The following ZBTB22 variants were observed in gnomAD, a reference collection of about 807,000 sequenced individuals.
ZBTB22 encodes zinc finger and BTB domain-containing protein 22.
For synonymous variants in ZBTB22, 356 were observed against 347.3 expected (o/e 1.03, Z -0.28); for missense variants, 668 against 834.1 (o/e 0.80, Z 2.45).
rs1055051634 is a variant in ZBTB22, at chr6:33,314,838, T to C, written c.*174A>G. On this transcript the variant is annotated 3_prime_UTR_variant, in exon 2 of 2. Transcript: ENST00000431845. ...ACCTTGGGGGGGAGGGGTTGAGTAGTAGAATGGGCGGGCGATGGTGAAACT... is the reference window on the plus strand; with the variant it reads ...ACCTTGGGGGGGAGGGGTTGAGTAGCAGAATGGGCGGGCGATGGTGAAACT... 6.2e-6 allele frequency: 8 copies of C among 1,295,962 alleles called. No individual in the cohort carries two copies. The African/African-American group carries it at 1.0e-4, about 17-fold the overall frequency. The allele number at this position is 1,295,962 out of a possible 1,614,324, so 80.3% of individuals were successfully genotyped here. A position where few individuals can be genotyped will look rare whatever the true frequency, so the allele number is the denominator to read the frequency against.
In ZBTB22 at chr6:33,314,869, T is replaced by G; in HGVS notation, c.*143A>C. ...GGGCGGGCGATGGTGAAACTGTGGTTCCCCTTCCAGAATATATACAAGTCC... is the reference window on the plus strand; with the variant it reads ...GGGCGGGCGATGGTGAAACTGTGGTGCCCCTTCCAGAATATATACAAGTCC... On this transcript the variant is annotated 3_prime_UTR_variant, in exon 2 of 2. Transcript: ENST00000431845. The G allele has an allele frequency of 7.1e-7, 1 of 1,399,042 alleles. No homozygotes were observed. The highest frequency in any genetic ancestry group is 9.4e-7 in the Non-Finnish European group (1 of 1,068,078). The allele number at this position is 1,399,042 out of a possible 1,614,324, so 86.7% of individuals were successfully genotyped here.
At chr6:33,317,013 G>T in intron 1 of ZBTB22, 28 bp from the exon 2 acceptor site, 1 of 1,391,752 alleles carries the variant, frequency 7.2e-7, no homozygotes, top group South Asian at 1.5e-5. Context: ...AAAGAATAAT[G>T]ATAACATCTC....
rs1247956923 is a variant in ZBTB22, at chr6:33,315,210, C to T, written c.1707G>A (p.Leu569=). ...GCCCAGGTACGGCCCCGACCCCGCC[C>T]AGGCGGTGCCGGCGCTCACAGTGTC... The part of the protein sequence containing the change: ...HRGHCERRHR[L]GGVGAVPGPG... The change falls in exon 2 of 2, where the codon CTG becomes CTA. Residue 569 remains leucine (L), a synonymous_variant. Coordinates refer to ENST00000431845, the MANE Select transcript of ZBTB22 (RefSeq NM_005453.5). The surrounding 1 kb of genome is among the most constrained non-coding windows in gnomAD (Gnocchi z 5.4). 3 of 1,612,702 alleles carry T rather than the reference C, an allele frequency of 1.9e-6. No homozygotes were observed. The African/African-American group carries it at 4.0e-5, about 22-fold the overall frequency.
In ZBTB22 at chr6:33,314,785, G is replaced by A; in HGVS notation, c.*227C>T. 6.2e-6 allele frequency: 5 copies of A among 807,474 alleles called. No individual in the cohort carries two copies. The highest frequency in any genetic ancestry group is 7.2e-6 in the Non-Finnish European group (4 of 556,164). 50.0% of individuals were successfully genotyped at this position (807,474 alleles called of 1,614,324 possible). On this transcript the variant is annotated 3_prime_UTR_variant, in exon 2 of 2. Transcript: ENST00000431845. ...CAGGGGCTTCAGTGTACCCATCAGA[G>A]GGAAAGGAAGGGTTTAGTTCTGGAA... is the stretch of plus-strand genomic sequence containing the variant.
At position 33,316,014 on chromosome 6, in the gene ZBTB22, C is replaced by T; in HGVS notation, c.903G>A (p.Lys301=). 6.2e-7 allele frequency: 1 copy of T among 1,614,110 alleles called. No homozygotes were observed. Among genetic ancestry groups the T allele is most frequent in the Non-Finnish European group, 8.5e-7 (1 of 1,179,976 alleles). Residue 301 remains lysine (K), a synonymous_variant, in exon 2 of 2, where the codon AAG becomes AAA. Coordinates refer to ENST00000431845, the MANE Select transcript of ZBTB22 (RefSeq NM_005453.5). This position sits in a 1 kb window ranked among gnomAD's most constrained non-coding sequence, Gnocchi z 7.2. The stretch of plus-strand genomic sequence containing the variant: ...TTGGCGCTGGGCAATTACCACCTCG[C>T]TTCACGTATACCCAGTGTTTCTGTG... ...IMPQKHWVYV[K]RGGNCPAPTP...
chr6:33,314,548 G>A lies in ZBTB22; in HGVS notation c.*464C>T. The A allele has an allele frequency of 4.9e-6, 1 of 204,600 alleles. No homozygotes were observed. The highest frequency in any genetic ancestry group is 9.9e-6 in the Non-Finnish European group (1 of 100,692). 12.7% of individuals were successfully genotyped at this position (204,600 alleles called of 1,614,324 possible). A position where few individuals can be genotyped will look rare whatever the true frequency, so the allele number is the denominator to read the frequency against. Reference sequence around the variant, plus strand: ...TTGGGAATTTCCACGGGAAGTCGGGGGTGGCGGGGAGAGACAGGGTAGAAA... The same window carrying A: ...TTGGGAATTTCCACGGGAAGTCGGGAGTGGCGGGGAGAGACAGGGTAGAAA... On this transcript the variant is annotated 3_prime_UTR_variant, in exon 2 of 2. Transcript: ENST00000431845.
At position 33,316,466 on chromosome 6, in the gene ZBTB22, G is replaced by C. The variant is rs1281939554; in HGVS notation, c.451C>G (p.Arg151Gly). 1 of 1,614,210 alleles carries C rather than the reference G, an allele frequency of 6.2e-7. No homozygotes were observed. Among genetic ancestry groups the C allele is most frequent in the Non-Finnish European group, 8.5e-7 (1 of 1,180,038 alleles). The change falls in exon 2 of 2, where the codon CGG becomes GGG. Residue 151 changes from arginine (R) to glycine (G), a missense_variant. Coordinates refer to ENST00000431845, the MANE Select transcript of ZBTB22 (RefSeq NM_005453.5). The surrounding 1 kb of genome is among the most constrained non-coding windows in gnomAD (Gnocchi z 7.2). ...DKCTELLREG[R>G]ASATTTITTA... Reference sequence around the variant, plus strand: ...GTGATGGTGGTGGTAGCTGAGGCCCGGCCTTCTCGGAGTAGTTCAGTGCAC... The same window carrying C: ...GTGATGGTGGTGGTAGCTGAGGCCCCGCCTTCTCGGAGTAGTTCAGTGCAC...
At position 33,315,387 on chromosome 6, in the gene ZBTB22, C is replaced by T. The variant is rs1361577810; in HGVS notation, c.1530G>A (p.Leu510=). Residue 510 remains leucine, a synonymous_variant, in exon 2 of 2, where the codon CTG becomes CTA. Coordinates refer to ENST00000431845, the MANE Select transcript of ZBTB22 (RefSeq NM_005453.5). The surrounding 1 kb of genome is among the most constrained non-coding windows in gnomAD (Gnocchi z 5.4). The part of the protein sequence containing the change: ...RDRHVNMHLN[L]RPFDCPVCNK... ...TGCACACGGGGCAGTCAAACGGCCGCAGATTGAGGTGCATGTTCACGTGCC... is the reference window on the plus strand; with the variant it reads ...TGCACACGGGGCAGTCAAACGGCCGTAGATTGAGGTGCATGTTCACGTGCC... 3 of 1,614,090 alleles carry T rather than the reference C, an allele frequency of 1.9e-6. No homozygotes were observed. The highest frequency in any genetic ancestry group is 2.5e-6 in the Non-Finnish European group (3 of 1,180,042).
In ZBTB22 at chr6:33,315,810, G is replaced by C. The variant is rs983734973; in HGVS notation, c.1107C>G (p.Asp369Glu). 30 of 1,612,802 alleles carry C rather than the reference G, an allele frequency of 1.9e-5. No individual in the cohort carries two copies. The highest frequency in any genetic ancestry group is 2.5e-5 in the Non-Finnish European group (30 of 1,179,320). Residue 369 changes from aspartate (D) to glutamate (E), a missense_variant, in exon 2 of 2, where the codon GAC (aspartate) becomes GAG (glutamate). Transcript: ENST00000431845. This position sits in a 1 kb window ranked among gnomAD's most constrained non-coding sequence, Gnocchi z 5.4. ...AGAAGTTGACCTGCTCCTCCCCCTTGTCTGGGGGCTCACTCAGGGTACGGA... is the reference window on the plus strand; with the variant it reads ...AGAAGTTGACCTGCTCCTCCCCCTTCTCTGGGGGCTCACTCAGGGTACGGA... ...SDVRTLSEPPDKGEEQVNFCE... is the reference protein window; with the variant it reads ...SDVRTLSEPPEKGEEQVNFCE...
In ZBTB22 at chr6:33,316,530, T is replaced by C. The variant is rs900532445; in HGVS notation, c.387A>G (p.Thr129=). The C allele has an allele frequency of 2.5e-6, 4 of 1,614,106 alleles. No individual in the cohort carries two copies. In the African/African-American group the frequency reaches 5.3e-5, roughly 22 times the overall value. Residue 129 remains threonine, a synonymous_variant, in exon 2 of 2, where the codon ACA becomes ACG. Coordinates refer to ENST00000431845, the MANE Select transcript of ZBTB22 (RefSeq NM_005453.5). The surrounding 1 kb of genome is among the most constrained non-coding windows in gnomAD (Gnocchi z 7.2). ...GCCACATTTGGAGCACAGACCCCACTGTAAGGAAGTTGACAATGTCAGCAG... is the reference window on the plus strand; with the variant it reads ...GCCACATTTGGAGCACAGACCCCACCGTAAGGAAGTTGACAATGTCAGCAG... ...MAAADIVNFL[T]VGSVLQMWHI...
Position 33,316,540 on chromosome 6 carries a change from T to C in ZBTB22, c.377A>G (p.Asn126Ser), listed in dbSNP as rs1028309010. 3.1e-6 allele frequency: 5 copies of C among 1,614,012 alleles called. No individual in the cohort carries two copies. Among genetic ancestry groups the C allele is most frequent in the Admixed American group, 1.7e-5 (1 of 59,998 alleles). ...GAGCACAGACCCCACTGTAAGGAAG[T>C]TGACAATGTCAGCAGCAGCCATGCT... ...RLSMAAADIV[N>S]FLTVGSVLQM... Residue 126 changes from asparagine (N) to serine (S), a missense_variant, in exon 2 of 2, where the codon AAC (asparagine) becomes AGC (serine). By Grantham distance (46) the Asn-to-Ser change is conservative. Coordinates refer to ENST00000431845, the MANE Select transcript of ZBTB22 (RefSeq NM_005453.5). This position sits in a 1 kb window ranked among gnomAD's most constrained non-coding sequence, Gnocchi z 7.2.
In ZBTB22 at chr6:33,316,538, A is replaced by G. The variant is rs766099210; in HGVS notation, c.379T>C (p.Phe127Leu). ...TGGAGCACAGACCCCACTGTAAGGA[A>G]GTTGACAATGTCAGCAGCAGCCATG... Reference protein sequence around the residue: ...LSMAAADIVNFLTVGSVLQMW... With the variant: ...LSMAAADIVNLLTVGSVLQMW... The change falls in exon 2 of 2, where the codon TTC (phenylalanine) becomes CTC (leucine). Residue 127 changes from phenylalanine (F) to leucine (L), a missense_variant. By Grantham distance (22) the Phe-to-Leu change is conservative. Transcript: ENST00000431845. This position sits in a 1 kb window ranked among gnomAD's most constrained non-coding sequence, Gnocchi z 7.2. 4 of 1,614,192 alleles carry G rather than the reference A, an allele frequency of 2.5e-6. No individual in the cohort carries two copies. Among genetic ancestry groups the G allele is most frequent in the Admixed American group, 1.7e-5 (1 of 60,020 alleles).
In ZBTB22 at chr6:33,315,854, T is replaced by C. The variant is rs895073372; in HGVS notation, c.1063A>G (p.Thr355Ala). 5 of 1,613,302 alleles carry C rather than the reference T, an allele frequency of 3.1e-6. No individual in the cohort carries two copies. The highest frequency in any genetic ancestry group is 4.2e-6 in the Non-Finnish European group (5 of 1,179,706). The change falls in exon 2 of 2, where the codon ACC becomes GCC. Residue 355 changes from threonine to alanine, a missense_variant. Transcript: ENST00000431845. The surrounding 1 kb of genome is among the most constrained non-coding windows in gnomAD (Gnocchi z 5.4). ...RVPVGGGPEA[T>A]LSISDVRTLS... ...GTACGGACATCACTTATGCTGAGGG[T>C]AGCCTCAGGCCCTCCCCCCACTGGA...
In ZBTB22 at chr6:33,316,624, C is replaced by G; in HGVS notation, c.293G>C (p.Ser98Thr). Residue 98 changes from serine to threonine, a missense_variant, in exon 2 of 2, where the codon AGT (serine) becomes ACT (threonine). Coordinates refer to ENST00000431845, the MANE Select transcript of ZBTB22 (RefSeq NM_005453.5). This position sits in a 1 kb window ranked among gnomAD's most constrained non-coding sequence, Gnocchi z 7.2. ...LKGMTSISLP[S>T]VMDPGAFETV... ...CTCAAAGGCGCCTGGGTCCATGACACTGGGCAGCGAGATGGAGGTCATGCC... is the reference window on the plus strand; with the variant it reads ...CTCAAAGGCGCCTGGGTCCATGACAGTGGGCAGCGAGATGGAGGTCATGCC... The G allele has an allele frequency of 6.2e-7, 1 of 1,614,240 alleles. No homozygotes were observed. Among genetic ancestry groups the G allele is most frequent in the Non-Finnish European group, 8.5e-7 (1 of 1,180,038 alleles).
At position 33,316,940 on chromosome 6, in the gene ZBTB22, C is replaced by T; in HGVS notation, c.-24G>A. The T allele has an allele frequency of 2.0e-6, 3 of 1,537,200 alleles. No homozygotes were observed. The highest frequency in any genetic ancestry group is 2.8e-5 in the African/African-American group (2 of 72,714). ...ATGTTGTGGAGGGAGGGGATACCCC[C>T]CCAGCCACAGGAACAAAGAAAGGAG... On this transcript the variant is annotated 5_prime_UTR_variant, in exon 2 of 2. Transcript: ENST00000431845. The surrounding 1 kb of genome is among the most constrained non-coding windows in gnomAD (Gnocchi z 7.2).
chr6:33,315,307 C>G lies in ZBTB22; in HGVS notation c.1610G>C (p.Gly537Ala). The G allele has an allele frequency of 6.2e-7, 1 of 1,614,146 alleles. No homozygotes were observed. Among genetic ancestry groups the G allele is most frequent in the Non-Finnish European group, 8.5e-7 (1 of 1,180,046 alleles). The part of the protein sequence containing the change: ...HLTEHMKTHT[G>A]LKPYECGVCA... ...GACTCCGCACTCGTAGGGCTTGAGA[C>G]CTGTGTGCGTCTTCATGTGCTCAGT... Residue 537 changes from glycine to alanine, a missense_variant, in exon 2 of 2, where the codon GGT becomes GCT. Physicochemically the swap from Gly to Ala is moderately conservative, Grantham distance 60 (BLOSUM62 0). Transcript: ENST00000431845. The surrounding 1 kb of genome is among the most constrained non-coding windows in gnomAD (Gnocchi z 5.4).
chr6:33,315,370 G>T lies in ZBTB22; in HGVS notation c.1547C>A (p.Pro516His), dbSNP rs1769775363. The change falls in exon 2 of 2, where the codon CCC (proline) becomes CAC (histidine). Residue 516 changes from proline to histidine, a missense_variant. Transcript: ENST00000431845. This position sits in a 1 kb window ranked among gnomAD's most constrained non-coding sequence, Gnocchi z 5.4. The part of the protein sequence containing the change: ...MHLNLRPFDC[P>H]VCNKKFKMKH... ...CATCTTGAACTTTTTGTTGCACACG[G>T]GGCAGTCAAACGGCCGCAGATTGAG... 2 of 1,614,172 alleles carry T rather than the reference G, an allele frequency of 1.2e-6. No individual in the cohort carries two copies. Among genetic ancestry groups the T allele is most frequent in the Non-Finnish European group, 1.7e-6 (2 of 1,180,034 alleles).
Position 33,315,727 on chromosome 6 carries a change from T to C in ZBTB22, c.1190A>G (p.Asp397Gly), listed in dbSNP as rs1769817010. Residue 397 changes from aspartate (D) to glycine (G), a missense_variant, in exon 2 of 2, where the codon GAT becomes GGT. Asp to Gly is a moderately conservative substitution (Grantham distance 94). Transcript: ENST00000431845. The surrounding 1 kb of genome is among the most constrained non-coding windows in gnomAD (Gnocchi z 5.4). ...YEGGGPVAGL[D>G]DSGGPTPSSY... ...AGAGGGAGTTGGCCCCCCTGAGTCA[T>C]CAAGACCTGCCACAGGACCCCCACC... 3 of 1,612,128 alleles carry C rather than the reference T, an allele frequency of 1.9e-6. No homozygotes were observed. Among genetic ancestry groups the C allele is most frequent in the East Asian group, 4.5e-5 (2 of 44,860 alleles).
rs1279674910 is a variant in ZBTB22 at position 33,315,924 on chromosome 6, G to C, written c.993C>G (p.Thr331=). ...EEEEEEDLVL[T]CEDDEDEELG... ...GTTCTTCATCTTCATCATCCTCACA[G>C]GTCAACACCAGATCTTCCTCCTCCT... Residue 331 remains threonine (T), a synonymous_variant, in exon 2 of 2, where the codon ACC becomes ACG. Transcript: ENST00000431845. This position sits in a 1 kb window ranked among gnomAD's most constrained non-coding sequence, Gnocchi z 5.4. 3 of 1,613,976 alleles carry C rather than the reference G, an allele frequency of 1.9e-6. No individual in the cohort carries two copies. The highest frequency in any genetic ancestry group is 2.5e-6 in the Non-Finnish European group (3 of 1,179,994).
Sources: gnomAD v4.1 joint callset for allele counts on GRCh38, gnomAD v4.1.1 for gene constraint, Gnocchi (gnomAD v3.1) non-coding constraint, MANE v1.5 for transcripts, NCBI Gene and HGNC (gene_info 2026-07-23, HGNC 2026-07-21) for gene names.